LAMA3: variants seen among roughly 807,000 people sequenced by gnomAD.
LAMA3 encodes the protein laminin subunit alpha-3.
Under a neutral mutation model 402.0 loss-of-function variants are expected in LAMA3, and 281 were observed. The ratio of observed to expected loss-of-function variants is 0.70; its 90% confidence interval spans 0.63 to 0.77. The LOEUF is 0.77. Ranked by LOEUF, LAMA3 falls within the 30% of genes least tolerant of loss-of-function variation. The probability of loss-of-function intolerance (pLI) is 0.00; values close to 1 mark genes in which losing one functional copy is unlikely to be tolerated. For missense variants in LAMA3, 3,840 were observed against 4,215.5 expected (o/e 0.91, Z 2.47); for synonymous variants, 1,431 against 1,558.4 (o/e 0.92, Z 1.93).
At chr18:23,771,344 C>A (rs1490093567) in intron 8 of LAMA3, among the ~76,000 whole-genome samples, 1 of 152,176 alleles carries the variant, frequency 6.6e-6, no homozygotes, top group African/African-American at 2.4e-5. Context: ...AAATGAAATT[C>A]TGAAACAGGT....
chr18:23,901,025 A>C (rs1421077158), intron 47 of LAMA3, 102 bp from the exon 48 acceptor site: 12 of 1,057,490 alleles, frequency 1.1e-5, no homozygotes, highest in Non-Finnish European at 1.6e-5. Flanking sequence ...TTCAAGGAAA[A>C]CCATGAAATG....
At chr18:23,917,869 A>C (rs974883361) in intron 60 of LAMA3, among the ~76,000 whole-genome samples, 2 of 152,012 alleles carry the variant, frequency 1.3e-5, no homozygotes, top group African/African-American at 4.8e-5. Flanking sequence ...GAAGCTCTTT[A>C]ATTAGGTTCT....
At chr18:23,806,997 C>T (rs150409336) in intron 12 of LAMA3, among the ~76,000 whole-genome samples, 2 of 152,234 alleles carry the variant, frequency 1.3e-5, no homozygotes, top group East Asian at 3.9e-4. Context: ...CAGAACCTTG[C>T]CTATCATAAT....
intron 69 of LAMA3, among the ~76,000 whole-genome samples, chr18:23,945,652 A>G (rs2082683650): frequency 6.6e-6 from 1 of 152,186 alleles, no homozygotes; most frequent in Non-Finnish European, 1.5e-5. Flanking sequence ...CAGAATCCAC[A>G]CCAGACCCCA....
At position 23,871,634 on chromosome 18, in the gene LAMA3, C is replaced by T; in HGVS notation, c.4971C>T (p.Pro1657=). 6.2e-7 allele frequency: 1 copy of T among 1,611,328 alleles called. No homozygotes were observed. Among genetic ancestry groups the T allele is most frequent in the Non-Finnish European group, 8.5e-7 (1 of 1,178,700 alleles). The change falls in exon 38 of 75, where the codon CCC becomes CCT. Residue 1657 remains proline, a synonymous_variant. Transcript: ENST00000313654. ...TTGCTGTGGAAATCTGTGCCTGCCC[C>T]CCTGCCTACGCTGGTGACTCTTGTC... The part of the protein sequence containing the change: ...IALAVEICAC[P]PAYAGDSCQG...
intron 32 of LAMA3, among the ~76,000 whole-genome samples, chr18:23,852,787 T>C (rs1405042668): frequency 6.6e-6 from 1 of 152,208 alleles, no homozygotes; most frequent in Non-Finnish European, 1.5e-5. Flanking sequence ...TAACTTTTAG[T>C]ACCTTTTTGT....
chr18:23,940,005 C>G (rs1250002985), intron 68 of LAMA3, among the ~76,000 whole-genome samples: 4 of 152,232 alleles, frequency 2.6e-5, no homozygotes, highest in Non-Finnish European at 5.9e-5. Context: ...GGAGCTGGCT[C>G]TAACATCTGG....
intron 23 of LAMA3, among the ~76,000 whole-genome samples, chr18:23,832,682 G>A (rs1485515442): frequency 2.0e-5 from 3 of 152,114 alleles, no homozygotes; most frequent in East Asian, 1.9e-4. Flanking sequence ...TACCATTATA[G>A]GTTGTAGGGA....
rs924773568 is a variant in LAMA3 at position 23,833,843 on chromosome 18, C to T, written c.2839C>T (p.Arg947Trp). Residue 947 changes from arginine to tryptophan, a missense_variant, in exon 24 of 75, where the codon CGG becomes TGG. Arg to Trp is a moderately radical substitution (Grantham distance 101). Transcript: ENST00000313654. ...LSGREVELHL[R>W]LRIPQVGHYV... is the part of the protein sequence containing the mutation. The stretch of plus-strand genomic sequence containing the variant: ...TCTGTGACAGGTGGAATTGCATCTG[C>T]GGCTGCGCATCCCACAGGTTGGCCA... 6.2e-6 allele frequency: 10 copies of T among 1,613,100 alleles called. No individual in the cohort carries two copies. The highest frequency in any genetic ancestry group is 4.4e-5 in the South Asian group (4 of 91,038).
intron 12 of LAMA3, among the ~76,000 whole-genome samples, chr18:23,798,541 A>C (rs2062810671): frequency 6.6e-6 from 1 of 152,178 alleles, no homozygotes; most frequent in Non-Finnish European, 1.5e-5. Context: ...TGCTCCTGGG[A>C]GAAGCTCCCA....
Position 23,793,727 on chromosome 18 carries a change from G to A in LAMA3, c.1603+9570G>A, listed in dbSNP as rs550085074. ...TGTGGGGGTCTCTTCCCATCACCAA[G>A]CAGCAGCCACCAGCCAAGTGTCCTC... is the stretch of plus-strand genomic sequence containing the variant. On this transcript the variant is annotated intron_variant, in intron 12 of 74. Transcript: ENST00000313654. Among the ~76,000 whole-genome samples the A allele has an allele frequency of 3.9e-5, 6 of 152,278 alleles. No individual in the cohort carries two copies. The South Asian group carries it at 1.2e-3, about 32-fold the overall frequency.
chr18:23,807,043 T>C (rs2062976044), intron 12 of LAMA3, among the ~76,000 whole-genome samples: 1 of 152,228 alleles, frequency 6.6e-6, no homozygotes, highest in South Asian at 2.1e-4. Flanking sequence ...GATATTTTTG[T>C]GTATCTCTAT....
At chr18:23,816,786 G>A (rs1009151873) in intron 18 of LAMA3, among the ~76,000 whole-genome samples, 4 of 152,146 alleles carry the variant, frequency 2.6e-5, no homozygotes, top group African/African-American at 9.7e-5. Context: ...TGGGTTCTCA[G>A]GGCTCAACTT....
At chr18:23,878,187 A>G (rs183963391) in intron 39 of LAMA3, among the ~76,000 whole-genome samples, 3 of 152,390 alleles carry the variant, frequency 2.0e-5, no homozygotes, top group Admixed American at 6.5e-5. Flanking sequence ...ATCTTATGAA[A>G]GCTGCCAAAG....
chr18:23,835,285 A>T (rs147797696), intron 24 of LAMA3, among the ~76,000 whole-genome samples: 276 of 152,330 alleles, frequency 1.8e-3, no homozygotes, highest in Non-Finnish European at 2.8e-3. Flanking sequence ...TCAGGATACA[A>T]AGTGGAGATG....
chr18:23,935,857 G>A (rs948570988), intron 67 of LAMA3, among the ~76,000 whole-genome samples: 2 of 152,034 alleles, frequency 1.3e-5, no homozygotes, highest in African/African-American at 4.8e-5. Flanking sequence ...TCCTACCATG[G>A]GAATCAGGAG....
rs748153589 is a variant in LAMA3 at position 23,827,357 on chromosome 18, A to G, written c.2713A>G (p.Thr905Ala). 2.5e-6 allele frequency: 4 copies of G among 1,614,108 alleles called. No individual in the cohort carries two copies. Among genetic ancestry groups the G allele is most frequent in the Non-Finnish European group, 3.4e-6 (4 of 1,180,030 alleles). Residue 905 changes from threonine to alanine, a missense_variant, in exon 23 of 75, where the codon ACC (threonine) becomes GCC (alanine). Transcript: ENST00000313654. Reference protein sequence around the residue: ...QHLPVTRFPCTLACEARHFLL... With the variant: ...QHLPVTRFPCALACEARHFLL... ...TTTGCCAGTGACCAGATTCCCCTGTACCCTGGCTTGTGAGGCCAGACACTT... is the reference window on the plus strand; with the variant it reads ...TTTGCCAGTGACCAGATTCCCCTGTGCCCTGGCTTGTGAGGCCAGACACTT...
chr18:23,951,789 A>C lies in LAMA3; in HGVS notation c.9736+12A>C, dbSNP rs758156749. The C allele has an allele frequency of 1.6e-5, 25 of 1,599,488 alleles. No individual in the cohort carries two copies. Among genetic ancestry groups the C allele is most frequent in the Non-Finnish European group, 2.1e-5 (25 of 1,166,958 alleles). ...GCACTCGGTGGCAGGTATGTTGTCC[A>C]GTAGCTGATTGTTCATGCACTAAAA... On this transcript the variant is annotated intron_variant, in intron 73 of 74. Coordinates refer to ENST00000313654, the MANE Select transcript of LAMA3 (RefSeq NM_198129.4).
chr18:23,762,860 A>AT (rs113500529), intron 7 of LAMA3, among the ~76,000 whole-genome samples: 27 of 106,802 alleles, frequency 2.5e-4, no homozygotes, highest in East Asian at 2.4e-3. Context: ...ATATATATAT[A>AT]TTTTTTTTTT....
Sources: gnomAD v4.1 joint callset for allele counts (sites outside exome capture counted in the v4.1 genomes callset) on GRCh38, gnomAD v4.1.1 for gene constraint, MANE v1.5 for transcripts, NCBI Gene and HGNC (gene_info 2026-07-23, HGNC 2026-07-21) for gene names.